Variants in PMM2 observed in about 807,000 individuals in gnomAD.
PMM2 encodes phosphomannomutase 2.
Under a neutral mutation model 33.2 loss-of-function variants are expected in PMM2, and 35 were observed. The observed-to-expected ratio is 1.06, with a 90% CI of 0.81 to 1.40. The LOEUF (loss-of-function observed/expected upper bound fraction) is 1.40, where lower values mean the gene tolerates loss of function less well. PMM2 is among the 40% of genes most tolerant of loss of function. The pLI, the probability that PMM2 is intolerant of heterozygous loss-of-function variation, is 0.00. For missense variants in PMM2, 386 were observed against 306.0 expected, an observed-to-expected ratio of 1.26 and a Z score of -1.95; for synonymous variants, 153 against 114.7, an observed-to-expected ratio of 1.33 and a Z score of -2.13.
intron 7 of PMM2, among the ~76,000 whole-genome samples, chr16:8,826,879 G>A (rs2060771461): frequency 6.6e-6 from 1 of 151,870 alleles, no homozygotes; most frequent in African/African-American, 2.4e-5. Flanking sequence ...CTTGTCCTAT[G>A]TGTCCCTCTT....
intron 7 of PMM2, among the ~76,000 whole-genome samples, chr16:8,818,230 A>G (rs1477993354): frequency 6.6e-6 from 1 of 152,152 alleles, no homozygotes; most frequent in Non-Finnish European, 1.5e-5. Flanking sequence ...GCTGTATAAT[A>G]TTCTCTCATT....
At chr16:8,798,326 T>A (rs774651320) in intron 1 of PMM2, among the ~76,000 whole-genome samples, 14 of 152,018 alleles carry the variant, frequency 9.2e-5, no homozygotes, top group Non-Finnish European at 2.1e-4. Context: ...GTGCCGTGAG[T>A]CATGATATTA....
rs1238792628 is a variant in PMM2, at chr16:8,849,045, T to C, written c.*1220T>C. The C allele has an allele frequency of 6.6e-6, 1 of 152,290 alleles. No individual in the cohort carries two copies. Among genetic ancestry groups the C allele is most frequent in the Non-Finnish European group, 1.5e-5 (1 of 68,100 alleles). The allele number at this position is 152,290 out of a possible 1,614,324, so 9.4% of individuals were successfully genotyped here. A position where few individuals can be genotyped will look rare whatever the true frequency, so the allele number is the denominator to read the frequency against. Reference sequence around the variant, plus strand: ...GGGTTGTGTGGCCTCCACTGGGCACTTGCCGACCTGAGTCTGGGGCCAGGG... The same window carrying C: ...GGGTTGTGTGGCCTCCACTGGGCACCTGCCGACCTGAGTCTGGGGCCAGGG... On this transcript the variant is annotated 3_prime_UTR_variant, in exon 8 of 8. Coordinates refer to ENST00000268261, the MANE Select transcript of PMM2 (RefSeq NM_000303.3).
intron 7 of PMM2, among the ~76,000 whole-genome samples, chr16:8,843,361 G>C (rs575177509): frequency 6.6e-6 from 1 of 152,126 alleles, no homozygotes; most frequent in Non-Finnish European, 1.5e-5. Flanking sequence ...ATCTTCAGCC[G>C]CTAAGCCAAG....
intron 2 of PMM2, chr16:8,802,452 A>G (rs191542399): frequency 5.5e-6 from 2 of 364,106 alleles, no homozygotes; most frequent in Admixed American, 3.7e-5. Context: ...TAATTATTGT[A>G]AACTATCCGA....
chr16:8,814,578 GTTAC>G (rs1271943570), intron 7 of PMM2, among the ~76,000 whole-genome samples: 2 of 152,176 alleles, frequency 1.3e-5, no homozygotes, highest in Non-Finnish European at 2.9e-5. Context: ...GTAGAGGCTT[GTTAC>G]TTATTTTCAG....
rs578257445 is a variant in PMM2 at position 8,832,772 on chromosome 16, C to T, written c.640-14952C>T. On this transcript the variant is annotated intron_variant, in intron 7 of 7. Transcript: ENST00000268261. The stretch of plus-strand genomic sequence containing the variant: ...CCCGTGAAATCCCAGGTGCTTACCA[C>T]AATCTGTGAGGCCCGCTGTGGCCCG... 2.0e-6 allele frequency: 2 copies of T among 984,278 alleles called. 1 individual carries two copies. The highest frequency in any genetic ancestry group is 3.5e-5 in the African/African-American group (2 of 57,326). 61.0% of individuals were successfully genotyped at this position (984,278 alleles called of 1,614,324 possible). A position where few individuals can be genotyped will look rare whatever the true frequency, so the allele number is the denominator to read the frequency against.
chr16:8,842,324 T>G (rs2060895890), intron 7 of PMM2: 1 of 152,298 alleles, frequency 6.6e-6, no homozygotes, highest in African/African-American at 2.4e-5. Context: ...TGTGTCTTGT[T>G]GAGAAGATTC....
intron 1 of PMM2, among the ~76,000 whole-genome samples, chr16:8,800,890 G>T (rs2141016329): frequency 6.6e-6 from 1 of 152,264 alleles, no homozygotes; most frequent in South Asian, 2.1e-4. Context: ...CGCCACGTTG[G>T]CCAGGCTGAT....
intron 4 of PMM2, chr16:8,810,185 C>A (rs1340027085): frequency 6.6e-6 from 1 of 152,200 alleles, no homozygotes; most frequent in Non-Finnish European, 1.5e-5. Context: ...GTGATCAAAT[C>A]AAACATTTAG....
Position 8,811,690 on chromosome 16 carries a change from GA to G in PMM2, c.504del (p.Gly169AlafsTer6). On this transcript the variant is annotated frameshift_variant, in exon 6 of 8. Transcript: ENST00000268261. LOFTEE classifies it high-confidence loss of function. Reference protein sequence around the residue: ...FVADLRKEFAGKGLTFSIGGQ... With the variant: ...FVADLRKEFAXKGLTFSIGGQ... ...GCAGATCTACGGAAAGAGTTTGCTG[GA>G]AAAGGCCTCACGTTTTCCATAGGTA... The G allele has an allele frequency of 6.2e-7, 1 of 1,612,842 alleles. No homozygotes were observed. Among genetic ancestry groups the G allele is most frequent in the Non-Finnish European group, 8.5e-7 (1 of 1,178,868 alleles).
intron 1 of PMM2, among the ~76,000 whole-genome samples, chr16:8,800,816 T>G (rs1346573964): frequency 1.3e-5 from 2 of 152,174 alleles, no homozygotes; most frequent in Non-Finnish European, 1.5e-5. Context: ...CCCGAGTAGC[T>G]GGGACTACAG....
intron 7 of PMM2, among the ~76,000 whole-genome samples, chr16:8,844,758 C>G (rs1307104259): frequency 6.6e-6 from 1 of 151,892 alleles, no homozygotes; most frequent in African/African-American, 2.4e-5. Flanking sequence ...TTTGTCTCTA[C>G]CAGAAAATGA....
intron 7 of PMM2, among the ~76,000 whole-genome samples, chr16:8,820,377 A>G (rs1476779285): frequency 7.9e-6 from 1 of 126,354 alleles, no homozygotes; most frequent in East Asian, 2.0e-4. Context: ...TTCCTGAGAC[A>G]AGGTCTCACT....
rs550321035 is a variant in PMM2 at position 8,833,103 on chromosome 16, T to A, written c.640-14621T>A. Among the ~76,000 whole-genome samples the A allele has an allele frequency of 7.6e-3, 1,155 of 152,264 alleles. 9 individuals are homozygous for A. Among genetic ancestry groups the A allele is most frequent in the African/African-American group, 0.019 (773 of 41,550 alleles). ...CTTTGTGTGAGCAACATGGCTGTTTTTTTCACCTGGGTGCAGGCGGGCTGA... is the reference window on the plus strand; with the variant it reads ...CTTTGTGTGAGCAACATGGCTGTTTATTTCACCTGGGTGCAGGCGGGCTGA... On this transcript the variant is annotated intron_variant, in intron 7 of 7. Transcript: ENST00000268261.
chr16:8,801,753 T>G, intron 1 of PMM2, 46 bp from the exon 2 acceptor site: 1 of 1,177,408 alleles, frequency 8.5e-7, no homozygotes, highest in Non-Finnish European at 1.3e-6. Flanking sequence ...GGTCTCCTGA[T>G]TATTGTGTGG....
intron 1 of PMM2, among the ~76,000 whole-genome samples, chr16:8,801,441 C>T (rs992460141): frequency 6.6e-6 from 1 of 152,146 alleles, no homozygotes; most frequent in African/African-American, 2.4e-5. Context: ...GAGGCCAAGG[C>T]TGGTGGATCT....
intron 7 of PMM2, among the ~76,000 whole-genome samples, chr16:8,833,669 G>A (rs1046423354): frequency 2.4e-4 from 36 of 151,204 alleles, no homozygotes; most frequent in Non-Finnish European, 4.4e-4. Context: ...ATATTGTGGG[G>A]ATGTTAGAAG....
intron 7 of PMM2, among the ~76,000 whole-genome samples, chr16:8,837,002 G>A (rs1434916132): frequency 1.3e-5 from 2 of 152,014 alleles, no homozygotes; most frequent in Non-Finnish European, 1.5e-5. Flanking sequence ...GGTGATAAAA[G>A]GATTATAGGG....
Sources: allele counts gnomAD v4.1 joint callset (sites outside exome capture counted in the v4.1 genomes callset), GRCh38; gene constraint gnomAD v4.1.1; transcripts MANE v1.5; gene names NCBI Gene and HGNC (gene_info 2026-07-23, HGNC 2026-07-21).